Variants in NRG3 observed in about 807,000 individuals in gnomAD.
The protein encoded by NRG3 is pro-neuregulin-3, membrane-bound isoform.
Under a neutral mutation model 66.9 loss-of-function variants are expected in NRG3, and 31 were observed. That is an observed-to-expected ratio of 0.46 (90% CI 0.35 to 0.63). The LOEUF is 0.63. Ranked by LOEUF, NRG3 falls within the 20% of genes least tolerant of loss-of-function variation. The pLI is 0.00. For synonymous variants in NRG3, 393 were observed against 359.4 expected (o/e 1.09, Z -1.06); for missense variants, 910 against 878.9 (o/e 1.04, Z -0.45).
At chr10:82,692,474 C>T (rs951413152) in intron 2 of NRG3, among the ~76,000 whole-genome samples, 2 of 152,290 alleles carry the variant, frequency 1.3e-5, no homozygotes, top group Admixed American at 6.5e-5. Flanking sequence ...AAGAATTAGG[C>T]ATGCAGACAC....
At chr10:82,911,392 C>T (rs576980999) in intron 4 of NRG3, among the ~76,000 whole-genome samples, 88 of 152,092 alleles carry the variant, frequency 5.8e-4, no homozygotes, top group African/African-American at 2.0e-3. Flanking sequence ...AACATAGATT[C>T]TTTCTGGAAA....
intron 7 of NRG3, among the ~76,000 whole-genome samples, chr10:82,975,974 C>T (rs1852210672): frequency 6.6e-6 from 1 of 152,196 alleles, no homozygotes. Context: ...GAAAAAATCC[C>T]ATCTGTTTAG....
intron 4 of NRG3, among the ~76,000 whole-genome samples, chr10:82,950,158 A>C (rs763381362): frequency 2.0e-5 from 3 of 152,044 alleles, no homozygotes; most frequent in Non-Finnish European, 4.4e-5. Flanking sequence ...CTCCAAGGTG[A>C]CTCCAGTGCA....
At chr10:82,754,636 T>C (rs2059007346) in intron 3 of NRG3, among the ~76,000 whole-genome samples, 1 of 152,018 alleles carries the variant, frequency 6.6e-6, no homozygotes, top group South Asian at 2.1e-4. Flanking sequence ...AAACTTACTA[T>C]CATTTCCAAA....
intron 2 of NRG3, among the ~76,000 whole-genome samples, chr10:82,694,508 T>C (rs1400382485): frequency 2.0e-5 from 3 of 152,082 alleles, no homozygotes; most frequent in Non-Finnish European, 4.4e-5. Context: ...TAATCCCAGC[T>C]CTTTGGGAGG....
rs188580971 is a variant in NRG3, at chr10:82,865,865, C to A, written c.1054+428C>A. ...AGTTTTTAAATTTTTACTTCTAAGT[C>A]CCCTTCCTTTTGTGAGATGATTCCT... On this transcript the variant is annotated intron_variant, in intron 4 of 8. Coordinates refer to ENST00000372141, the MANE Select transcript of NRG3 (RefSeq NM_001010848.4). Among the ~76,000 whole-genome samples, 41 of 152,234 alleles carry A rather than the reference C, an allele frequency of 2.7e-4. No individual in the cohort carries two copies. The East Asian group carries it at 7.3e-3, about 27-fold the overall frequency.
intron 2 of NRG3, among the ~76,000 whole-genome samples, chr10:82,575,495 T>C (rs1412908694): frequency 6.6e-6 from 1 of 151,678 alleles, no homozygotes; most frequent in Admixed American, 6.6e-5. Context: ...ATTTGTGAAA[T>C]GAAGTCCATG....
intron 1 of NRG3, among the ~76,000 whole-genome samples, chr10:81,961,207 G>T (rs1287321991): frequency 6.6e-6 from 1 of 152,144 alleles, no homozygotes; most frequent in African/African-American, 2.4e-5. Context: ...GAATAATGAT[G>T]AATTGCAAGT....
intron 2 of NRG3, among the ~76,000 whole-genome samples, chr10:82,368,441 C>T (rs1174769981): frequency 1.4e-5 from 2 of 138,992 alleles, no homozygotes; most frequent in Non-Finnish European, 3.0e-5. Context: ...AAGTAGTAAA[C>T]TTAAAAGACA....
intron 2 of NRG3, among the ~76,000 whole-genome samples, chr10:82,614,906 A>G (rs1461957911): frequency 1.3e-5 from 2 of 152,148 alleles, no homozygotes; most frequent in African/African-American, 4.8e-5. Flanking sequence ...TCCAAAAAAA[A>G]AAACCTAGGT....
chr10:82,724,358 C>A (rs925281152), intron 2 of NRG3, among the ~76,000 whole-genome samples: 13 of 152,052 alleles, frequency 8.5e-5, no homozygotes, highest in African/African-American at 3.1e-4. Flanking sequence ...AGATTATATC[C>A]ATTTATCCTC....
At chr10:82,463,108 C>A (rs185308606) in intron 2 of NRG3, among the ~76,000 whole-genome samples, 1 of 152,126 alleles carries the variant, frequency 6.6e-6, no homozygotes, top group Non-Finnish European at 1.5e-5. Context: ...TAGTGAGCAG[C>A]GCTTTTAATA....
chr10:81,961,371 G>A (rs1850338870), intron 1 of NRG3, among the ~76,000 whole-genome samples: 1 of 152,104 alleles, frequency 6.6e-6, no homozygotes, highest in Admixed American at 6.5e-5. Context: ...GTATCACATT[G>A]TAGACACCTT....
At chr10:82,968,293 T>C (rs753144188) in intron 6 of NRG3, among the ~76,000 whole-genome samples, 5 of 152,172 alleles carry the variant, frequency 3.3e-5, no homozygotes, top group Admixed American at 6.5e-5. Flanking sequence ...CGGATAGGAA[T>C]ACCAGCAATT....
chr10:82,265,455 A>G (rs1368454313), intron 1 of NRG3, among the ~76,000 whole-genome samples: 2 of 152,232 alleles, frequency 1.3e-5, no homozygotes, highest in African/African-American at 2.4e-5. Context: ...TGGAGATCCC[A>G]AGAGGTCAAG....
chr10:82,442,803 T>A (rs2136460402), intron 2 of NRG3, among the ~76,000 whole-genome samples: 1 of 142,886 alleles, frequency 7.0e-6, no homozygotes, highest in African/African-American at 2.6e-5. Context: ...TTTTTTTTTT[T>A]TTTTTTTTTT....
At chr10:82,758,731 C>G (rs1461331756) in intron 3 of NRG3, among the ~76,000 whole-genome samples, 1 of 151,878 alleles carries the variant, frequency 6.6e-6, no homozygotes, top group Non-Finnish European at 1.5e-5. Flanking sequence ...GGTCAGTGGT[C>G]AAATGAATGG....
intron 4 of NRG3, among the ~76,000 whole-genome samples, chr10:82,878,847 T>G (rs1842054845): frequency 6.6e-6 from 1 of 152,192 alleles, no homozygotes; most frequent in African/African-American, 2.4e-5. Flanking sequence ...AGGCACTATC[T>G]GCTGCCATGC....
intron 1 of NRG3, among the ~76,000 whole-genome samples, chr10:82,315,222 A>G (rs915068287): frequency 3.3e-5 from 5 of 152,186 alleles, no homozygotes; most frequent in Non-Finnish European, 7.3e-5. Flanking sequence ...GGGGTCTTTT[A>G]AAGTCAACAC....
Sources: gnomAD v4.1 joint callset for allele counts (sites outside exome capture counted in the v4.1 genomes callset) on GRCh38, gnomAD v4.1.1 for gene constraint, MANE v1.5 for transcripts, NCBI Gene and HGNC (gene_info 2026-07-23, HGNC 2026-07-21) for gene names.